Variants in RAB10 observed in about 807,000 individuals in gnomAD.
The protein encoded by RAB10 is RAB10, member RAS oncogene family.
RAB10 carries 5 observed loss-of-function variants against 25.7 expected under a neutral mutation model. The observed-to-expected ratio is 0.19, with a 90% CI of 0.10 to 0.41. The LOEUF is 0.41. Among genes scored for constraint, RAB10 ranks in the 10% least tolerant of loss-of-function variants. The probability of loss-of-function intolerance (pLI) is 1.00; values close to 1 mark genes in which losing one functional copy is unlikely to be tolerated. For synonymous variants in RAB10, 89 were observed against 86.4 expected, an observed-to-expected ratio of 1.03 and a Z score of -0.16; for missense variants, 103 against 245.8, an observed-to-expected ratio of 0.42 and a Z score of 3.89.
At chr2:26,062,125 G>A (rs1305075063) in intron 1 of RAB10, among the ~76,000 whole-genome samples, 1 of 151,982 alleles carries the variant, frequency 6.6e-6, no homozygotes, top group Non-Finnish European at 1.5e-5. Context: ...TCCCATAATA[G>A]GCAATAATAT....
chr2:26,092,617 C>T (rs1667132367), intron 1 of RAB10, among the ~76,000 whole-genome samples: 1 of 152,096 alleles, frequency 6.6e-6, no homozygotes, highest in Non-Finnish European at 1.5e-5. Flanking sequence ...TACCTGAAAA[C>T]AGCCCAAATT....
intron 3 of RAB10, among the ~76,000 whole-genome samples, chr2:26,122,850 C>G (rs147595858): frequency 6.6e-6 from 1 of 151,814 alleles, no homozygotes. Context: ...TCCTGGGCAC[C>G]GCTGAACAAG....
chr2:26,089,772 C>T (rs1161387270), intron 1 of RAB10, among the ~76,000 whole-genome samples: 1 of 152,194 alleles, frequency 6.6e-6, no homozygotes, highest in African/African-American at 2.4e-5. Flanking sequence ...TACTCTTACA[C>T]CACCAGATAT....
chr2:26,098,608 G>A, intron 1 of RAB10, 54 bp from the exon 2 acceptor site: 3 of 1,329,818 alleles, frequency 2.3e-6, no homozygotes, highest in South Asian at 1.3e-5. Context: ...ATTAATTTTA[G>A]TATAGCCAAA....
chr2:26,098,109 C>CTTTTTTTTTTTTT (rs57174956), intron 1 of RAB10, among the ~76,000 whole-genome samples: 5 of 52,728 alleles, frequency 9.5e-5, no homozygotes, highest in African/African-American at 2.3e-4. Flanking sequence ...TTCTTTCTTT[C>CTTTTTTTTTTTTT]TTTTTTTTTT....
chr2:26,046,196 A>G lies in RAB10; in HGVS notation c.127+11461A>G, dbSNP rs577439244. On this transcript the variant is annotated intron_variant, in intron 1 of 5. Transcript: ENST00000264710. The stretch of plus-strand genomic sequence containing the variant: ...AAAAATTAGCTGGGCATGGTGGCGC[A>G]TGCCTGTAGTCCCAGCTACTCGGGA... Among the ~76,000 whole-genome samples the G allele has an allele frequency of 5.0e-3, 765 of 152,158 alleles. 5 individuals are homozygous for G. Among genetic ancestry groups the G allele is most frequent in the African/African-American group, 0.017 (718 of 41,506 alleles).
intron 1 of RAB10, among the ~76,000 whole-genome samples, chr2:26,041,116 G>A (rs749679362): frequency 6.6e-6 from 1 of 151,852 alleles, no homozygotes; most frequent in African/African-American, 2.4e-5. Flanking sequence ...AATGAATGAA[G>A]GCAGGCAGGT....
At chr2:26,074,136 G>A (rs1422818397) in intron 1 of RAB10, among the ~76,000 whole-genome samples, 1 of 152,192 alleles carries the variant, frequency 6.6e-6, no homozygotes, top group Non-Finnish European at 1.5e-5. Context: ...AGAGGAGACA[G>A]TATCAGGAAG....
chr2:26,098,508 G>A (rs886796661), intron 1 of RAB10, 154 bp from the exon 2 acceptor site: 26 of 606,786 alleles, frequency 4.3e-5, no homozygotes, highest in Non-Finnish European at 7.5e-5. Flanking sequence ...GTTTAAAATT[G>A]GATACATTTG....
intron 2 of RAB10, among the ~76,000 whole-genome samples, chr2:26,104,553 C>T (rs181214679): frequency 2.8e-4 from 42 of 152,182 alleles, no homozygotes; most frequent in African/African-American, 7.2e-4. Context: ...TTGTATTGTT[C>T]GCTGAAATAC....
chr2:26,102,662 T>C (rs949569310), intron 2 of RAB10, among the ~76,000 whole-genome samples: 2 of 152,080 alleles, frequency 1.3e-5, no homozygotes, highest in South Asian at 4.1e-4. Context: ...ATGGTCTCGA[T>C]CTCCTGACCT....
intron 2 of RAB10, 83 bp from the exon 3 acceptor site, chr2:26,109,685 G>T: frequency 7.5e-7 from 1 of 1,339,400 alleles, no homozygotes; most frequent in Non-Finnish European, 9.8e-7. Flanking sequence ...ATATACTTAG[G>T]AAAAACTATT....
chr2:26,108,789 T>G (rs1023151878), intron 2 of RAB10, among the ~76,000 whole-genome samples: 1 of 152,106 alleles, frequency 6.6e-6, no homozygotes, highest in African/African-American at 2.4e-5. Flanking sequence ...GCTGTAATTA[T>G]TTCAAAATAA....
At chr2:26,038,162 A>C (rs568723554) in intron 1 of RAB10, among the ~76,000 whole-genome samples, 47 of 150,264 alleles carry the variant, frequency 3.1e-4, no homozygotes, top group African/African-American at 1.2e-3. Flanking sequence ...CTGGGATTAC[A>C]GGCGGAAGCC....
intron 2 of RAB10, among the ~76,000 whole-genome samples, chr2:26,099,626 T>C (rs1667302005): frequency 1.4e-5 from 2 of 143,146 alleles, no homozygotes; most frequent in African/African-American, 5.2e-5. Context: ...CTGCAAGCTC[T>C]ACCTCCCAGG....
intron 1 of RAB10, among the ~76,000 whole-genome samples, chr2:26,073,462 C>G (rs954187582): frequency 4.6e-5 from 7 of 152,176 alleles, no homozygotes; most frequent in Non-Finnish European, 1.5e-5. Context: ...TGAGCTCAAG[C>G]CACAGCCACT....
rs1360656975 is a variant in RAB10 at position 26,083,247 on chromosome 2, A to G, written c.128-15415A>G. Among the ~76,000 whole-genome samples the G allele has an allele frequency of 2.0e-5, 3 of 152,368 alleles. No homozygotes were observed. The East Asian group carries it at 5.8e-4, about 29-fold the overall frequency. On this transcript the variant is annotated intron_variant, in intron 1 of 5. Transcript: ENST00000264710. ...GCCTTTATTTAGACTGTGTTGTTAT[A>G]TACATAGAAAATCCTAAATAACCTA...
intron 1 of RAB10, among the ~76,000 whole-genome samples, chr2:26,055,229 C>G (rs1330897268): frequency 6.6e-6 from 1 of 152,144 alleles, no homozygotes; most frequent in South Asian, 2.1e-4. Flanking sequence ...AATCCAACTA[C>G]TTTCTTATCA....
intron 3 of RAB10, among the ~76,000 whole-genome samples, chr2:26,119,556 C>T (rs1019790670): frequency 2.6e-5 from 4 of 151,288 alleles, no homozygotes; most frequent in South Asian, 2.1e-4. Flanking sequence ...GACAGGGTCT[C>T]ACTCTGTCAG....
Sources: gnomAD v4.1 joint callset for allele counts (sites outside exome capture counted in the v4.1 genomes callset) on GRCh38, gnomAD v4.1.1 for gene constraint, MANE v1.5 for transcripts, NCBI Gene and HGNC (gene_info 2026-07-23, HGNC 2026-07-21) for gene names.